The following ANXA13 variants were observed in gnomAD, a reference collection of about 807,000 sequenced individuals.
ANXA13 encodes the protein annexin A13, also known as annexin XIII.
ANXA13 carries 36 observed loss-of-function variants against 46.6 expected under a neutral mutation model. The ratio of observed to expected loss-of-function variants is 0.77; its 90% CI spans 0.59 to 1.02. ANXA13 has a LOEUF of 1.02. ANXA13 is among the 50% of genes least tolerant of loss of function. The pLI is 0.00. For synonymous variants in ANXA13, 163 were observed against 152.9 expected (o/e 1.07, Z -0.49); for missense variants, 417 against 396.5 (o/e 1.05, Z -0.44).
In ANXA13 at chr8:123,701,552, G is replaced by A. The variant is rs767098659; in HGVS notation, c.186+1090C>T. On this transcript the variant is annotated intron_variant, in intron 3 of 10. Transcript: ENST00000419625. ...TTCAATTAAATGCAGTTGAACTGAA[G>A]ATGCACTTATTTTCATCAAAAATTA... 5.6e-4 allele frequency among the ~76,000 whole-genome samples: 85 copies of A among 152,316 alleles called. 1 individual carries two copies. Among genetic ancestry groups the A allele is most frequent in the Non-Finnish European group, 7.2e-4 (49 of 68,024 alleles).
chr8:123,720,681 T>TGTGC (rs2129918896), intron 1 of ANXA13, among the ~76,000 whole-genome samples: 1 of 151,796 alleles, frequency 6.6e-6, no homozygotes, highest in East Asian at 1.9e-4. Flanking sequence ...TGTGTGTGTG[T>TGTGC]GTGTGTGTGT....
chr8:123,706,421 G>T (rs190027184), intron 2 of ANXA13, among the ~76,000 whole-genome samples: 2 of 152,170 alleles, frequency 1.3e-5, no homozygotes, highest in African/African-American at 2.4e-5. Flanking sequence ...GCCTTTCTGC[G>T]TGCAGGAGAC....
At chr8:123,712,211 G>A (rs537552940) in intron 2 of ANXA13, 14 of 169,994 alleles carry the variant, frequency 8.2e-5, no homozygotes, top group African/African-American at 3.1e-4. Flanking sequence ...CTTTCACTTG[G>A]TTCTCATTCT....
intron 1 of ANXA13, among the ~76,000 whole-genome samples, chr8:123,721,342 G>A (rs1045802840): frequency 1.3e-5 from 2 of 152,116 alleles, no homozygotes; most frequent in Non-Finnish European, 2.9e-5. Flanking sequence ...CTCTCTCACA[G>A]ACATCTACCT....
At chr8:123,736,962 C>A (rs1409117690) in intron 1 of ANXA13, among the ~76,000 whole-genome samples, 1 of 150,328 alleles carries the variant, frequency 6.7e-6, no homozygotes, top group African/African-American at 2.5e-5. Flanking sequence ...GATTCTCCTG[C>A]CTCAGCCTCC....
intron 1 of ANXA13, among the ~76,000 whole-genome samples, chr8:123,726,856 T>C (rs988079937): frequency 1.1e-4 from 17 of 152,222 alleles, no homozygotes; most frequent in African/African-American, 3.9e-4. Context: ...ATATATACAA[T>C]AGACTACTAC....
At chr8:123,703,447 G>A (rs1813483846) in intron 2 of ANXA13, among the ~76,000 whole-genome samples, 1 of 152,146 alleles carries the variant, frequency 6.6e-6, no homozygotes, top group Non-Finnish European at 1.5e-5. Context: ...GCATCTGTGA[G>A]TATAATAAAA....
chr8:123,723,902 T>C (rs964484610), intron 1 of ANXA13, among the ~76,000 whole-genome samples: 3 of 152,242 alleles, frequency 2.0e-5, no homozygotes, highest in Admixed American at 6.5e-5. Context: ...AATGTTATCT[T>C]CTTTTCCATG....
intron 2 of ANXA13, among the ~76,000 whole-genome samples, chr8:123,702,953 C>T (rs1336814004): frequency 6.6e-6 from 1 of 152,144 alleles, no homozygotes; most frequent in Non-Finnish European, 1.5e-5. Flanking sequence ...GCACATGGCA[C>T]ACAGTGCTAG....
chr8:123,723,782 G>T (rs565957401), intron 1 of ANXA13, among the ~76,000 whole-genome samples: 2 of 152,166 alleles, frequency 1.3e-5, no homozygotes, highest in East Asian at 3.9e-4. Flanking sequence ...TTTTTTATTA[G>T]TCTATTTCCT....
intron 1 of ANXA13, among the ~76,000 whole-genome samples, chr8:123,733,898 C>T (rs188474808): frequency 1.1e-3 from 173 of 152,290 alleles, no homozygotes; most frequent in Middle Eastern, 3.4e-3. Flanking sequence ...TTTGACAACG[C>T]GTTCCATAGT....
intron 1 of ANXA13, among the ~76,000 whole-genome samples, chr8:123,717,476 C>G (rs1048916154): frequency 6.6e-6 from 1 of 152,276 alleles, no homozygotes; most frequent in South Asian, 2.1e-4. Context: ...AACATATGTA[C>G]CATATGTAGA....
intron 10 of ANXA13, among the ~76,000 whole-genome samples, chr8:123,682,680 G>A (rs531419345): frequency 4.6e-5 from 7 of 152,216 alleles, no homozygotes; most frequent in South Asian, 4.1e-4. Flanking sequence ...CCCCTGCTCC[G>A]CTGCTTGGCT....
chr8:123,737,375 G>C lies in ANXA13; in HGVS notation c.-41C>G, dbSNP rs1814295980. 4 of 1,573,060 alleles carry C rather than the reference G, an allele frequency of 2.5e-6. No individual in the cohort carries two copies. In the Middle Eastern group the frequency reaches 5.0e-4, roughly 196 times the overall value. ...ATGGTTTTTCTGTATTTCATCAAGA[G>C]ATCAGTCCTCCTACAGGCAAAGTTT... On this transcript the variant is annotated 5_prime_UTR_variant, in exon 1 of 11. In the 5' UTR this introduces an upstream ATG that the reference lacks. Coordinates refer to ENST00000419625, the MANE Select transcript of ANXA13 (RefSeq NM_004306.4).
At position 123,690,581 on chromosome 8, in the gene ANXA13, A is replaced by G. The variant is rs1284412930; in HGVS notation, c.643-1635T>C. 1.3e-5 allele frequency among the ~76,000 whole-genome samples: 2 copies of G among 152,184 alleles called. No homozygotes were observed. Among genetic ancestry groups the G allele is most frequent in the African/African-American group, 4.8e-5 (2 of 41,440 alleles). ...GTCTGGCCCAAGCTGTTGGGACTGTACTTTGGATACTTCTCACTTCAGTTA... is the reference window on the plus strand; with the variant it reads ...GTCTGGCCCAAGCTGTTGGGACTGTGCTTTGGATACTTCTCACTTCAGTTA... On this transcript the variant is annotated intron_variant, in intron 8 of 10. Coordinates refer to ENST00000419625, the MANE Select transcript of ANXA13 (RefSeq NM_004306.4). This position sits in a 1 kb window ranked among gnomAD's most constrained non-coding sequence, Gnocchi z 4.6.
chr8:123,705,898 C>T (rs1813529002), intron 2 of ANXA13, among the ~76,000 whole-genome samples: 1 of 152,172 alleles, frequency 6.6e-6, no homozygotes, highest in African/African-American at 2.4e-5. Flanking sequence ...CAGCACCAGC[C>T]CTCAGAGTCA....
intron 1 of ANXA13, among the ~76,000 whole-genome samples, chr8:123,719,139 C>T (rs1420069491): frequency 2.0e-5 from 3 of 152,228 alleles, no homozygotes; most frequent in Non-Finnish European, 4.4e-5. Flanking sequence ...TCTTCCAGAA[C>T]ACAGCCAGAA....
At chr8:123,730,902 A>G (rs1388112748) in intron 1 of ANXA13, among the ~76,000 whole-genome samples, 2 of 152,268 alleles carry the variant, frequency 1.3e-5, no homozygotes, top group East Asian at 1.9e-4. Flanking sequence ...TCCGGGCTGC[A>G]TTCCGGGTGA....
chr8:123,724,903 C>T (rs750850595), intron 1 of ANXA13, among the ~76,000 whole-genome samples: 1 of 152,158 alleles, frequency 6.6e-6, no homozygotes, highest in Non-Finnish European at 1.5e-5. Context: ...TACATTTGGC[C>T]TATGGCTTCT....
Sources: gnomAD v4.1 joint callset for allele counts (sites outside exome capture counted in the v4.1 genomes callset) on GRCh38, gnomAD v4.1.1 for gene constraint, Gnocchi (gnomAD v3.1) non-coding constraint, MANE v1.5 for transcripts, NCBI Gene and HGNC (gene_info 2026-07-23, HGNC 2026-07-21) for gene names.